The following SPMIP2 variants were observed in gnomAD, a reference collection of about 807,000 sequenced individuals.
SPMIP2 encodes sperm microtubule inner protein 2, also known as protein SPMIP2.
chr4:158,987,415 T>A, the SPMIP2 span, among the ~76,000 whole-genome samples: 36 of 151,928 alleles, frequency 2.4e-4, no homozygotes, highest in East Asian at 7.7e-4. Context: ...GGATTAAGAA[T>A]ATGTGGCACA....
At chr4:159,058,767 T>G in the SPMIP2 span, among the ~76,000 whole-genome samples, 1 of 152,146 alleles carries the variant, frequency 6.6e-6, no homozygotes, top group African/African-American at 2.4e-5. Context: ...ATTATAATAT[T>G]GAGAATAAGA....
At chr4:158,910,522 C>G in the SPMIP2 span, among the ~76,000 whole-genome samples, 9 of 152,252 alleles carry the variant, frequency 5.9e-5, no homozygotes, top group Admixed American at 5.9e-4. Flanking sequence ...ATCTGCCCGC[C>G]TCAGCCTCCC....
chr4:158,929,251 C>CA, the SPMIP2 span, among the ~76,000 whole-genome samples: 19 of 152,226 alleles, frequency 1.2e-4, no homozygotes, highest in African/African-American at 3.9e-4. Flanking sequence ...CTCCTGGCCC[C>CA]AAGCAGTCTT....
At chr4:158,987,841 GAAGC>G in the SPMIP2 span, among the ~76,000 whole-genome samples, 2 of 151,782 alleles carry the variant, frequency 1.3e-5, no homozygotes, top group African/African-American at 4.8e-5. Flanking sequence ...AAGAATTAGA[GAAGC>G]AAGAGCAAAC....
chr4:159,073,976 G>A, the SPMIP2 span, among the ~76,000 whole-genome samples: 13 of 152,130 alleles, frequency 8.5e-5, no homozygotes, highest in Admixed American at 1.3e-4. Flanking sequence ...CTGCACTCCA[G>A]CCTGGGTGAC....
the SPMIP2 span, among the ~76,000 whole-genome samples, chr4:158,955,768 G>A: frequency 1.3e-5 from 2 of 152,190 alleles, no homozygotes; most frequent in Non-Finnish European, 2.9e-5. Context: ...AAAAGGCACT[G>A]CATTTGAACA....
At chr4:159,077,310 C>T in the SPMIP2 span, among the ~76,000 whole-genome samples, 3 of 151,368 alleles carry the variant, frequency 2.0e-5, no homozygotes, top group African/African-American at 7.3e-5. Flanking sequence ...CCACGCCTGG[C>T]TAATTTTTGC....
At chr4:158,963,673 G>A in the SPMIP2 span, among the ~76,000 whole-genome samples, 1 of 152,296 alleles carries the variant, frequency 6.6e-6, no homozygotes, top group Non-Finnish European at 1.5e-5. Context: ...ACAAATCTAG[G>A]TGCTACTGTG....
chr4:158,984,248 C>T, the SPMIP2 span, among the ~76,000 whole-genome samples: 1 of 49,564 alleles, frequency 2.0e-5, no homozygotes, highest in African/African-American at 6.5e-5. Context: ...ACAAGGATAC[C>T]CAGGAATTGA....
At chr4:158,973,260 T>C in the SPMIP2 span, 1 of 1,613,722 alleles carries the variant, frequency 6.2e-7, no homozygotes, top group African/African-American at 1.3e-5. Flanking sequence ...TTCTCCTACA[T>C]AGGAGGTGTG....
chr4:158,938,665 G>T, the SPMIP2 span, among the ~76,000 whole-genome samples: 7 of 152,242 alleles, frequency 4.6e-5, no homozygotes, highest in East Asian at 7.7e-4. Flanking sequence ...GCTCCAGCTG[G>T]GCTTCTAGTT....
the SPMIP2 span, among the ~76,000 whole-genome samples, chr4:158,928,903 C>T: frequency 3.3e-5 from 5 of 152,010 alleles, no homozygotes; most frequent in South Asian, 2.1e-4. Flanking sequence ...CCTGAGCCAG[C>T]GAGACCACGA....
chr4:158,964,151 T>C, the SPMIP2 span, among the ~76,000 whole-genome samples: 1 of 100,080 alleles, frequency 1.0e-5, no homozygotes, highest in Admixed American at 1.0e-4. Context: ...TGAGACTATC[T>C]CAAAACAAAA....
chr4:158,915,317 A>C, the SPMIP2 span: 1 of 1,613,152 alleles, frequency 6.2e-7, no homozygotes, highest in East Asian at 2.2e-5. Context: ...AAGAAGCGCG[A>C]CTCTGTTTTC....
At chr4:158,946,449 G>C in the SPMIP2 span, among the ~76,000 whole-genome samples, 1 of 152,128 alleles carries the variant, frequency 6.6e-6, no homozygotes, top group South Asian at 2.1e-4. Context: ...TGGATCATGG[G>C]GGCGGTTTCC....
the SPMIP2 span, among the ~76,000 whole-genome samples, chr4:158,908,336 C>A: frequency 6.6e-6 from 1 of 152,034 alleles, no homozygotes; most frequent in African/African-American, 2.4e-5. Context: ...AAATGTCCTG[C>A]TGGACATTTA....
the SPMIP2 span, among the ~76,000 whole-genome samples, chr4:159,011,780 G>A: frequency 6.9e-6 from 1 of 144,106 alleles, no homozygotes. Context: ...ATTATTCTGA[G>A]CAGGCTTGGT....
the SPMIP2 span, among the ~76,000 whole-genome samples, chr4:159,041,553 T>C: frequency 3.3e-5 from 5 of 152,174 alleles, no homozygotes; most frequent in African/African-American, 1.2e-4. Flanking sequence ...ACCAGGGTAG[T>C]TGAAAATAGA....
the SPMIP2 span, among the ~76,000 whole-genome samples, chr4:159,048,725 C>T: frequency 6.7e-6 from 1 of 148,780 alleles, no homozygotes; most frequent in East Asian, 1.9e-4. Flanking sequence ...TTTCTCTCCC[C>T]TTCCACTTTT....
Sources: gnomAD v4.1 joint callset for allele counts (sites outside exome capture counted in the v4.1 genomes callset) on GRCh38, gnomAD v4.1.1 for gene constraint, MANE v1.5 for transcripts, NCBI Gene and HGNC (gene_info 2026-07-23, HGNC 2026-07-21) for gene names.